The following NOL4 variants were observed in gnomAD, a reference collection of about 807,000 sequenced individuals.
NOL4 encodes the protein nucleolar protein 4.
NOL4 carries 17 observed loss-of-function variants against 75.9 expected under a neutral mutation model. That is an observed-to-expected ratio of 0.22 (90% CI 0.15 to 0.34). The LOEUF is 0.34. Among genes scored for constraint, NOL4 ranks in the 10% least tolerant of loss-of-function variants. The pLI, the probability that NOL4 is intolerant of heterozygous loss-of-function variation, is 1.00. For missense variants in NOL4, 614 were observed against 793.5 expected (o/e 0.77, Z 2.72); for synonymous variants, 292 against 289.9 (o/e 1.01, Z -0.07).
chr18:34,133,490 G>A (rs1403099131), intron 1 of NOL4, among the ~76,000 whole-genome samples: 1 of 151,796 alleles, frequency 6.6e-6, no homozygotes, highest in African/African-American at 2.4e-5. Flanking sequence ...ATAATGTAAT[G>A]TAATATATTA....
intron 6 of NOL4, among the ~76,000 whole-genome samples, chr18:33,977,870 C>G (rs888907372): frequency 6.6e-6 from 1 of 152,096 alleles, no homozygotes; most frequent in African/African-American, 2.4e-5. Context: ...TTTTCCCTGA[C>G]TGGAAAAAGA....
At chr18:34,213,659 C>T (rs915510924) in intron 1 of NOL4, among the ~76,000 whole-genome samples, 5 of 152,166 alleles carry the variant, frequency 3.3e-5, no homozygotes, top group Non-Finnish European at 5.9e-5. Flanking sequence ...GTTTAGACCC[C>T]TTCCCTTCTC....
At chr18:34,110,347 G>A (rs1362229513) in intron 2 of NOL4, among the ~76,000 whole-genome samples, 31 of 151,740 alleles carry the variant, frequency 2.0e-4, no homozygotes, top group Admixed American at 2.0e-3. Flanking sequence ...TAGTCAAGTG[G>A]GTTTTATCAC....
intron 4 of NOL4, 57 bp downstream of exon 4, chr18:34,103,990 G>T (rs1032231394): frequency 2.6e-5 from 30 of 1,147,258 alleles, no homozygotes; most frequent in Non-Finnish European, 3.4e-5. Context: ...GATAGTCATG[G>T]TTATCAAGCT....
At chr18:34,188,242 G>A (rs746984749) in intron 1 of NOL4, among the ~76,000 whole-genome samples, 1 of 151,554 alleles carries the variant, frequency 6.6e-6, no homozygotes, top group East Asian at 1.9e-4. Context: ...TAGGACTGTA[G>A]TAAAAAAAAA....
At chr18:33,931,812 G>A (rs1186725778) in intron 9 of NOL4, among the ~76,000 whole-genome samples, 2 of 151,954 alleles carry the variant, frequency 1.3e-5, no homozygotes, top group African/African-American at 4.8e-5. Context: ...AATTTTCTGA[G>A]CCTAAAACAT....
intron 6 of NOL4, among the ~76,000 whole-genome samples, chr18:33,996,808 T>C (rs933996982): frequency 2.0e-5 from 3 of 151,852 alleles, no homozygotes; most frequent in African/African-American, 7.2e-5. Flanking sequence ...TCAAGTCCAC[T>C]GTTGATGGGA....
chr18:34,058,402 G>A (rs972593104), intron 5 of NOL4, among the ~76,000 whole-genome samples: 7 of 152,178 alleles, frequency 4.6e-5, no homozygotes, highest in Middle Eastern at 3.2e-3. Flanking sequence ...CCAAAATGCT[G>A]GGATTACAGG....
rs576744762 is a variant in NOL4 at position 33,938,003 on chromosome 18, C to T, written c.1542+5062G>A. On this transcript the variant is annotated intron_variant, in intron 9 of 10. Transcript: ENST00000261592. ...ACTGCCAAAACCTTGTAAGCAGAGG[C>T]ACAAATGATACAAGTCCTAAATGTT... 3.3e-5 allele frequency among the ~76,000 whole-genome samples: 5 copies of T among 152,158 alleles called. 2 individuals carry two copies. The South Asian group carries it at 1.0e-3, about 32-fold the overall frequency.
At chr18:34,024,646 T>G (rs977857213) in intron 5 of NOL4, among the ~76,000 whole-genome samples, 3 of 152,128 alleles carry the variant, frequency 2.0e-5, no homozygotes, top group Non-Finnish European at 4.4e-5. Context: ...GCCTTTACTC[T>G]GCAACACAAA....
At chr18:34,045,820 C>T (rs930963330) in intron 5 of NOL4, among the ~76,000 whole-genome samples, 1 of 152,040 alleles carries the variant, frequency 6.6e-6, no homozygotes, top group African/African-American at 2.4e-5. Flanking sequence ...TCAAATCAAA[C>T]ATTAATCTGA....
intron 6 of NOL4, among the ~76,000 whole-genome samples, chr18:33,977,873 G>T (rs771179606): frequency 2.0e-5 from 3 of 152,108 alleles, no homozygotes; most frequent in Non-Finnish European, 2.9e-5. Flanking sequence ...TCCCTGACTG[G>T]AAAAAGACTT....
intron 9 of NOL4, among the ~76,000 whole-genome samples, chr18:33,904,018 G>C (rs1007878343): frequency 6.6e-6 from 1 of 152,134 alleles, no homozygotes; most frequent in Admixed American, 6.6e-5. Flanking sequence ...CTAAATGGCT[G>C]ATGGTTCAAC....
chr18:34,100,734 G>A (rs989801196), intron 4 of NOL4, among the ~76,000 whole-genome samples: 1 of 152,000 alleles, frequency 6.6e-6, no homozygotes, highest in Non-Finnish European at 1.5e-5. Context: ...CACTACCTTG[G>A]TAGTATCTTC....
chr18:34,131,633 C>T (rs1276757234), intron 1 of NOL4, among the ~76,000 whole-genome samples: 2 of 152,098 alleles, frequency 1.3e-5, no homozygotes, highest in Admixed American at 1.3e-4. Flanking sequence ...TAATCTTTTA[C>T]ACTTAGTCTG....
At chr18:34,118,213 T>C (rs748100367) in intron 2 of NOL4, among the ~76,000 whole-genome samples, 3 of 152,226 alleles carry the variant, frequency 2.0e-5, no homozygotes, top group Non-Finnish European at 2.9e-5. Context: ...ATGGACACCA[T>C]AGTTTTTGGC....
intron 6 of NOL4, among the ~76,000 whole-genome samples, chr18:33,969,221 A>G: frequency 6.6e-6 from 1 of 152,302 alleles, no homozygotes; most frequent in Non-Finnish European, 1.5e-5. Context: ...TTCTCGCAAT[A>G]TGATAATATA....
chr18:33,869,010 A>C (rs2063564649), intron 10 of NOL4, among the ~76,000 whole-genome samples: 1 of 151,996 alleles, frequency 6.6e-6, no homozygotes, highest in Non-Finnish European at 1.5e-5. Context: ...AACATTAAAA[A>C]AATGGTCCTC....
At chr18:34,085,673 A>T (rs1421663321) in intron 5 of NOL4, among the ~76,000 whole-genome samples, 1 of 152,232 alleles carries the variant, frequency 6.6e-6, no homozygotes, top group Non-Finnish European at 1.5e-5. Flanking sequence ...TTGTCACTAA[A>T]AAAGGTAGAG....
Sources: gnomAD v4.1 joint callset for allele counts (sites outside exome capture counted in the v4.1 genomes callset) on GRCh38, gnomAD v4.1.1 for gene constraint, MANE v1.5 for transcripts, NCBI Gene and HGNC (gene_info 2026-07-23, HGNC 2026-07-21) for gene names.